CREB5: variants seen among roughly 807,000 people sequenced by gnomAD.
The protein encoded by CREB5 is cAMP responsive element binding protein 5, also known as cyclic AMP-responsive element-binding protein 5.
CREB5 carries 19 observed loss-of-function variants against 57.1 expected under a neutral mutation model. The ratio of observed to expected loss-of-function variants is 0.33; its 90% confidence interval spans 0.23 to 0.49. The LOEUF (loss-of-function observed/expected upper bound fraction) is 0.49, where lower values mean the gene tolerates loss of function less well. CREB5 is among the 20% of genes least tolerant of loss of function. CREB5 has a pLI of 0.99. For synonymous variants in CREB5, 238 were observed against 238.3 expected (o/e 1.00, Z 0.01); for missense variants, 579 against 671.6 (o/e 0.86, Z 1.52).
chr7:28,663,613 G>C (rs1296615982), intron 5 of CREB5, among the ~76,000 whole-genome samples: 1 of 152,070 alleles, frequency 6.6e-6, no homozygotes, highest in Non-Finnish European at 1.5e-5. Context: ...AACCATCTCT[G>C]GTTTCTACAT....
chr7:28,815,288 GAAAA>G (rs1253757662), intron 9 of CREB5, among the ~76,000 whole-genome samples: 1 of 151,926 alleles, frequency 6.6e-6, no homozygotes, highest in East Asian at 1.9e-4. Context: ...CAATAAAAAA[GAAAA>G]AAAGAATATG....
intron 5 of CREB5, among the ~76,000 whole-genome samples, chr7:28,680,070 A>G (rs576842699): frequency 1.3e-5 from 2 of 152,288 alleles, no homozygotes; most frequent in East Asian, 1.9e-4. Flanking sequence ...TGAGCCCCCT[A>G]TGGCTCAACA....
At chr7:28,785,872 C>G (rs192946509) in intron 7 of CREB5, among the ~76,000 whole-genome samples, 7 of 152,140 alleles carry the variant, frequency 4.6e-5, no homozygotes, top group Admixed American at 3.3e-4. Flanking sequence ...TTGAACTCCA[C>G]GGGATAGAAT....
intron 2 of CREB5, among the ~76,000 whole-genome samples, chr7:28,494,052 A>G (rs1791915643): frequency 6.6e-6 from 1 of 152,174 alleles, no homozygotes; most frequent in Non-Finnish European, 1.5e-5. Flanking sequence ...TTCATCATGT[A>G]TATCTCCTAT....
chr7:28,615,211 T>G (rs1045913457), intron 5 of CREB5: 5 of 152,024 alleles, frequency 3.3e-5, no homozygotes, highest in African/African-American at 1.2e-4. Context: ...TTTCCAGAGG[T>G]GGGTTGGGAG....
chr7:28,307,940 G>T (rs969334039), intron 1 of CREB5, among the ~76,000 whole-genome samples: 1 of 152,230 alleles, frequency 6.6e-6, no homozygotes, highest in African/African-American at 2.4e-5. Context: ...ATGCATGGGA[G>T]CTGGTAGATA....
At chr7:28,775,702 C>G (rs1037006258) in intron 7 of CREB5, among the ~76,000 whole-genome samples, 2 of 151,806 alleles carry the variant, frequency 1.3e-5, no homozygotes, top group Admixed American at 1.3e-4. Context: ...ATTTCCATAG[C>G]TGTAGAATAT....
intron 1 of CREB5, among the ~76,000 whole-genome samples, chr7:28,307,949 T>C (rs1785217281): frequency 6.6e-6 from 1 of 152,204 alleles, no homozygotes; most frequent in Non-Finnish European, 1.5e-5. Context: ...AGCTGGTAGA[T>C]AAGCAGGGCA....
intron 1 of CREB5, among the ~76,000 whole-genome samples, chr7:28,459,708 G>A (rs941610365): frequency 2.6e-5 from 4 of 152,180 alleles, no homozygotes; most frequent in African/African-American, 9.6e-5. Flanking sequence ...TGACGTAAGG[G>A]GGTGCAGAGA....
intron 1 of CREB5, among the ~76,000 whole-genome samples, chr7:28,445,589 T>C (rs1337676384): frequency 6.6e-6 from 1 of 152,062 alleles, no homozygotes; most frequent in Non-Finnish European, 1.5e-5. Flanking sequence ...TCTCGCTCTG[T>C]TGCCCAGGCT....
rs575218710 is a variant in CREB5, at chr7:28,702,648, C to G, written c.465-16105C>G. On this transcript the variant is annotated intron_variant, in intron 5 of 10. Transcript: ENST00000357727. ...ATGATTTTACCCAAATGCATAGCCC[C>G]TGCCTCCAGGGAGATTTGAGACTAA... is the stretch of plus-strand genomic sequence containing the variant. Among the ~76,000 whole-genome samples the G allele has an allele frequency of 2.7e-4, 41 of 152,324 alleles. 1 individual carries two copies. The highest frequency in any genetic ancestry group is 3.4e-3 in the Middle Eastern group (1 of 294).
At chr7:28,390,581 G>A (rs1787197346) in intron 1 of CREB5, among the ~76,000 whole-genome samples, 1 of 152,042 alleles carries the variant, frequency 6.6e-6, no homozygotes, top group African/African-American at 2.4e-5. Flanking sequence ...TGGGGTTTTG[G>A]CAAAGTGCTT....
chr7:28,356,956 A>T (rs56322225), intron 1 of CREB5, among the ~76,000 whole-genome samples: 10,362 of 152,246 alleles, frequency 0.068, 379 homozygotes, highest in East Asian at 0.15. Flanking sequence ...ACTGGGAAAC[A>T]ACCAGCAACT....
chr7:28,577,365 G>C (rs1795945358), intron 5 of CREB5, among the ~76,000 whole-genome samples: 1 of 152,180 alleles, frequency 6.6e-6, no homozygotes. Context: ...AACAGAATAG[G>C]GTTTGGGAAG....
intron 1 of CREB5, among the ~76,000 whole-genome samples, chr7:28,321,955 T>G (rs1445563721): frequency 1.3e-5 from 2 of 152,182 alleles, no homozygotes; most frequent in Admixed American, 1.3e-4. Context: ...ATTAAGTGAT[T>G]CTTTGGCTTA....
At chr7:28,633,688 G>T (rs919619736) in intron 5 of CREB5, among the ~76,000 whole-genome samples, 1 of 152,174 alleles carries the variant, frequency 6.6e-6, no homozygotes, top group Admixed American at 6.5e-5. Context: ...TACCAGCCAT[G>T]ACAGTAGTGG....
At chr7:28,557,893 A>G (rs773525263) in intron 4 of CREB5, among the ~76,000 whole-genome samples, 30 of 152,238 alleles carry the variant, frequency 2.0e-4, no homozygotes, top group Middle Eastern at 6.8e-3. Flanking sequence ...GGAGCACCTT[A>G]CGGGAACTGT....
intron 1 of CREB5, among the ~76,000 whole-genome samples, chr7:28,468,680 G>T (rs1206760986): frequency 6.6e-6 from 1 of 152,228 alleles, no homozygotes; most frequent in East Asian, 1.9e-4. Flanking sequence ...CTTTCACGGA[G>T]ATGTGTAGTT....
At chr7:28,780,254 G>A (rs896900156) in intron 7 of CREB5, among the ~76,000 whole-genome samples, 3 of 152,270 alleles carry the variant, frequency 2.0e-5, no homozygotes, top group East Asian at 1.9e-4. Flanking sequence ...CTAAGGAGAC[G>A]AAAGAAGCTG....
Sources: allele counts gnomAD v4.1 joint callset (sites outside exome capture counted in the v4.1 genomes callset), GRCh38; gene constraint gnomAD v4.1.1; transcripts MANE v1.5; gene names NCBI Gene and HGNC (gene_info 2026-07-23, HGNC 2026-07-21).